MTUS2: variants seen among roughly 807,000 people sequenced by gnomAD.
The protein encoded by MTUS2 is microtubule-associated tumor suppressor candidate 2.
Under a neutral mutation model 114.1 loss-of-function variants are expected in MTUS2, and 40 were observed. That is an observed-to-expected ratio of 0.35 (90% CI 0.27 to 0.46). MTUS2 has a LOEUF of 0.46. MTUS2 is among the 20% of genes least tolerant of loss of function. The probability of loss-of-function intolerance (pLI) is 1.00; values close to 1 mark genes in which losing one functional copy is unlikely to be tolerated. For synonymous variants in MTUS2, 688 were observed against 672.0 expected (o/e 1.02, Z -0.37); for missense variants, 1,679 against 1,705.4 (o/e 0.98, Z 0.27).
intron 4 of MTUS2, 49 bp downstream of exon 4, chr13:29,034,174 T>A (rs1165586102): frequency 6.2e-7 from 1 of 1,608,076 alleles, no homozygotes; most frequent in African/African-American, 1.3e-5. Flanking sequence ...GTTTAGATAG[T>A]CATCATGTAA....
intron 5 of MTUS2, among the ~76,000 whole-genome samples, chr13:29,107,730 C>CT (rs1890726687): frequency 6.6e-6 from 1 of 152,078 alleles, no homozygotes; most frequent in Admixed American, 6.6e-5. Context: ...AAAACCCTAC[C>CT]TTTGAGGCTA....
chr13:29,503,161 C>G lies in MTUS2; in HGVS notation c.4065C>G (p.Ser1355=), dbSNP rs771393913. Residue 1355 remains serine (S), a synonymous_variant, in exon 16 of 16, where the codon TCC becomes TCG. Transcript: ENST00000612955. ...CATCTCCCGTTTACCGCGGCTCCTC[C>G]TCGGGGCCCTCCTCTCCGGCCAGAG... The part of the protein sequence containing the change: ...SPTSPVYRGS[S]SGPSSPARVS... 1 of 1,614,200 alleles carries G rather than the reference C, an allele frequency of 6.2e-7. No individual in the cohort carries two copies. The highest frequency in any genetic ancestry group is 8.5e-7 in the Non-Finnish European group (1 of 1,180,040).
chr13:29,398,491 G>A (rs370358990), intron 8 of MTUS2, among the ~76,000 whole-genome samples: 2 of 142,556 alleles, frequency 1.4e-5, no homozygotes, highest in Non-Finnish European at 1.5e-5. Context: ...GAAAGAAAAA[G>A]AAAAAAAAAA....
At chr13:28,943,993 C>CT (rs1404619966) in intron 2 of MTUS2, among the ~76,000 whole-genome samples, 11 of 151,490 alleles carry the variant, frequency 7.3e-5, no homozygotes, top group Admixed American at 3.3e-4. Context: ...TTTTTGTTTG[C>CT]TTTTTTTTGT....
At chr13:29,440,542 C>T (rs115576814) in intron 9 of MTUS2, among the ~76,000 whole-genome samples, 181 of 152,266 alleles carry the variant, frequency 1.2e-3, no homozygotes, top group African/African-American at 4.1e-3. Flanking sequence ...GTCTGGACCA[C>T]GGAGACCTTA....
At chr13:29,194,335 A>C (rs2139206923) in intron 5 of MTUS2, among the ~76,000 whole-genome samples, 1 of 152,020 alleles carries the variant, frequency 6.6e-6, no homozygotes, top group South Asian at 2.1e-4. Flanking sequence ...AAATTTTCGC[A>C]ACCTACTCAT....
At chr13:29,353,399 C>T (rs1334961502) in intron 7 of MTUS2, among the ~76,000 whole-genome samples, 3 of 152,158 alleles carry the variant, frequency 2.0e-5, no homozygotes, top group Non-Finnish European at 4.4e-5. Context: ...AACCCTGGCT[C>T]AAGCAATCTT....
At chr13:29,360,757 A>T (rs899557488) in intron 8 of MTUS2, among the ~76,000 whole-genome samples, 5 of 134,354 alleles carry the variant, frequency 3.7e-5, no homozygotes, top group African/African-American at 1.3e-4. Context: ...CTGACTGGCC[A>T]TGGTCAAGAT....
chr13:28,976,055 A>AT (rs1390361384), intron 2 of MTUS2, among the ~76,000 whole-genome samples: 5 of 151,996 alleles, frequency 3.3e-5, no homozygotes, highest in African/African-American at 1.2e-4. Context: ...AATATAAAAA[A>AT]TAGGCAGGTG....
Position 29,065,944 on chromosome 13 carries a change from G to T in MTUS2, c.2446+31819G>T, listed in dbSNP as rs906928494. Among the ~76,000 whole-genome samples the T allele has an allele frequency of 2.0e-5, 3 of 151,962 alleles. No homozygotes were observed. In the East Asian group the frequency reaches 5.8e-4, roughly 29 times the overall value. ...CCCACCTGACATGCAAAGCCCCCTG[G>T]GTCAGGTTTCCTCCCGCTTCCTCCC... On this transcript the variant is annotated intron_variant, in intron 4 of 15. Coordinates refer to ENST00000612955, the MANE Select transcript of MTUS2 (RefSeq NM_001033602.4).
chr13:29,303,151 G>A (rs61948207), intron 6 of MTUS2, among the ~76,000 whole-genome samples: 41,767 of 152,056 alleles, frequency 0.27, 6,633 homozygotes, highest in Non-Finnish European at 0.36. Context: ...TCATTCAAAG[G>A]TCAGCAACCT....
Position 29,251,295 on chromosome 13 carries a change from A to ATG in MTUS2, c.2645-30409_2645-30408insTG, listed in dbSNP as rs1566091385. Among the ~76,000 whole-genome samples the ATG allele has an allele frequency of 3.5e-5, 5 of 143,252 alleles. No homozygotes were observed. In the East Asian group the frequency reaches 8.3e-4, roughly 24 times the overall value. The allele number at this position is 143,252 out of a possible 152,430, so 94.0% of individuals were successfully genotyped here. A position where few individuals can be genotyped will look rare whatever the true frequency, so the allele number is the denominator to read the frequency against. ...TTACCTGTGAAAATGGGATGATGAT[A>ATG]ATAATAATAATAATAATAATAATAA... On this transcript the variant is annotated intron_variant, in intron 5 of 15. Transcript: ENST00000612955.
chr13:28,974,405 T>G (rs1998362), intron 2 of MTUS2, among the ~76,000 whole-genome samples: 27,215 of 152,190 alleles, frequency 0.18, 2,889 homozygotes, highest in East Asian at 0.47. Flanking sequence ...AGCCACTGAT[T>G]TGAAATTTCT....
chr13:29,054,302 A>G (rs1888031114), intron 4 of MTUS2, among the ~76,000 whole-genome samples: 1 of 152,162 alleles, frequency 6.6e-6, no homozygotes, highest in South Asian at 2.1e-4. Flanking sequence ...GGATATTTAT[A>G]TATTCTAAAT....
intron 2 of MTUS2, among the ~76,000 whole-genome samples, chr13:29,012,017 C>T (rs1885865719): frequency 6.6e-6 from 1 of 152,182 alleles, no homozygotes; most frequent in Non-Finnish European, 1.5e-5. Flanking sequence ...GTAAGTGAAC[C>T]TCACTTCACT....
intron 2 of MTUS2, among the ~76,000 whole-genome samples, chr13:28,845,357 T>C (rs552463977): frequency 6.6e-6 from 1 of 152,358 alleles, no homozygotes; most frequent in Non-Finnish European, 1.5e-5. Flanking sequence ...TCCTGACACT[T>C]TGACCAATAA....
At chr13:28,865,565 C>A (rs1434912776) in intron 2 of MTUS2, among the ~76,000 whole-genome samples, 1 of 152,156 alleles carries the variant, frequency 6.6e-6, no homozygotes, top group Non-Finnish European at 1.5e-5. Flanking sequence ...CTTAGTTATG[C>A]AAATTGTTTT....
chr13:29,078,099 C>T (rs764566231), intron 4 of MTUS2, among the ~76,000 whole-genome samples: 8 of 150,340 alleles, frequency 5.3e-5, no homozygotes, highest in Non-Finnish European at 1.2e-4. Flanking sequence ...AAATTTTCAT[C>T]TTTTTTTTGG....
intron 9 of MTUS2, among the ~76,000 whole-genome samples, chr13:29,453,192 C>T (rs976488064): frequency 1.8e-4 from 28 of 152,264 alleles, no homozygotes; most frequent in Middle Eastern, 3.4e-3. Context: ...AAAGACATAA[C>T]GTGTTACAGA....
Sources: allele counts gnomAD v4.1 joint callset (sites outside exome capture counted in the v4.1 genomes callset), GRCh38; gene constraint gnomAD v4.1.1; transcripts MANE v1.5; gene names NCBI Gene and HGNC (gene_info 2026-07-23, HGNC 2026-07-21).